Variants in MARCHF6 observed in about 807,000 individuals in gnomAD.
MARCHF6 encodes the protein membrane associated ring-CH-type finger 6.
MARCHF6 carries 31 observed loss-of-function variants against 133.7 expected under a neutral mutation model. The observed-to-expected ratio is 0.23, with a 90% CI of 0.17 to 0.31. The LOEUF is 0.31. Among genes scored for constraint, MARCHF6 ranks in the 10% least tolerant of loss-of-function variants. The probability of loss-of-function intolerance (pLI) is 1.00; values close to 1 mark genes in which losing one functional copy is unlikely to be tolerated. For missense variants in MARCHF6, 723 were observed against 1,121.6 expected (o/e 0.64, Z 5.08); for synonymous variants, 395 against 402.5 (o/e 0.98, Z 0.22).
intron 2 of MARCHF6, among the ~76,000 whole-genome samples, chr5:10,378,385 G>A (rs955761533): frequency 3.3e-5 from 5 of 152,134 alleles, no homozygotes; most frequent in Non-Finnish European, 7.4e-5. Flanking sequence ...CTTGTCCTTG[G>A]CCACATAGCC....
intron 1 of MARCHF6, among the ~76,000 whole-genome samples, chr5:10,375,851 C>A (rs902146527): frequency 1.4e-4 from 21 of 151,854 alleles, no homozygotes; most frequent in African/African-American, 5.1e-4. Context: ...AATCAGCACC[C>A]TGTGTTTAGC....
At chr5:10,409,994 A>C in intron 17 of MARCHF6, 145 bp from the exon 18 acceptor site, 1 of 841,930 alleles carries the variant, frequency 1.2e-6, no homozygotes, top group Non-Finnish European at 1.8e-6. Context: ...TTTGTGGGGA[A>C]AGCCTCACTG....
intron 3 of MARCHF6, among the ~76,000 whole-genome samples, chr5:10,380,096 AT>A (rs1279595082): frequency 6.7e-6 from 1 of 149,916 alleles, no homozygotes; most frequent in Non-Finnish European, 1.5e-5. Context: ...TTGAAGCATA[AT>A]TTTTCATTCT....
At chr5:10,356,342 T>A (rs1043578494) in intron 1 of MARCHF6, among the ~76,000 whole-genome samples, 2 of 126,016 alleles carry the variant, frequency 1.6e-5, no homozygotes, top group Non-Finnish European at 3.6e-5. Flanking sequence ...TTCTGTTTTT[T>A]ATTTATTTTA....
chr5:10,392,029 G>A (rs1193934924), intron 7 of MARCHF6, among the ~76,000 whole-genome samples: 3 of 151,126 alleles, frequency 2.0e-5, no homozygotes, highest in African/African-American at 4.9e-5. Context: ...CGCTATCTCG[G>A]CTCACTGCAA....
chr5:10,371,321 G>A (rs1736450801), intron 1 of MARCHF6, among the ~76,000 whole-genome samples: 1 of 151,676 alleles, frequency 6.6e-6, no homozygotes, highest in Non-Finnish European at 1.5e-5. Context: ...GCTTAGAACT[G>A]TGTGTAGAGA....
Position 10,437,820 on chromosome 5 carries a change from CA to C in MARCHF6, c.*4140del, listed in dbSNP as rs1740710804. On this transcript the variant is annotated 3_prime_UTR_variant, in exon 26 of 26. Transcript: ENST00000274140. ...TTTGTTGCCTTCTAAGTTGAGAGGA[CA>C]AAACTGAATAAAGTGAATGTTAATT... is the stretch of plus-strand genomic sequence containing the variant. 6.6e-6 allele frequency: 1 copy of C among 152,148 alleles called. No individual in the cohort carries two copies. The highest frequency in any genetic ancestry group is 2.4e-5 in the African/African-American group (1 of 41,404). The allele number at this position is 152,148 out of a possible 1,614,324, so 9.4% of individuals were successfully genotyped here.
intron 1 of MARCHF6, among the ~76,000 whole-genome samples, chr5:10,359,874 C>T (rs1049157935): frequency 8.6e-5 from 13 of 151,888 alleles, no homozygotes; most frequent in African/African-American, 2.4e-5. Flanking sequence ...GATGTGGTGG[C>T]GGGTGCCTGT....
intron 1 of MARCHF6, among the ~76,000 whole-genome samples, chr5:10,377,123 C>T (rs1044694352): frequency 6.6e-6 from 1 of 152,090 alleles, no homozygotes; most frequent in Non-Finnish European, 1.5e-5. Context: ...AAATATGCCC[C>T]TAGAGTCTTG....
intron 11 of MARCHF6, chr5:10,401,800 AATTT>A (rs1283549954): frequency 1.6e-5 from 8 of 509,370 alleles, no homozygotes; most frequent in Admixed American, 1.4e-4. Context: ...GTTTTTGTAA[AATTT>A]AATTCACTCT....
Position 10,397,352 on chromosome 5 carries a change from G to C in MARCHF6, c.913+8G>C. 1 of 1,560,812 alleles carries C rather than the reference G, an allele frequency of 6.4e-7. No homozygotes were observed. Among genetic ancestry groups the C allele is most frequent in the Non-Finnish European group, 8.6e-7 (1 of 1,159,002 alleles). On this transcript the variant is annotated splice_region_variant and intron_variant, in intron 10 of 25. Coordinates refer to ENST00000274140, the MANE Select transcript of MARCHF6 (RefSeq NM_005885.4). ...TGTTCATTCTTGTTTTTGGTAAGTTGTGTTTGTGCTTTTTTTTTTTATAGT... is the reference window on the plus strand; with the variant it reads ...TGTTCATTCTTGTTTTTGGTAAGTTCTGTTTGTGCTTTTTTTTTTTATAGT...
intron 23 of MARCHF6, 51 bp from the exon 24 acceptor site, chr5:10,426,339 G>A (rs770845608): frequency 1.2e-5 from 19 of 1,592,458 alleles, no homozygotes; most frequent in Non-Finnish European, 1.5e-5. Flanking sequence ...GTATTAACTT[G>A]GAGGAATTTG....
At chr5:10,375,807 A>C (rs931186618) in intron 1 of MARCHF6, among the ~76,000 whole-genome samples, 5 of 144,620 alleles carry the variant, frequency 3.5e-5, no homozygotes, top group Non-Finnish European at 7.5e-5. Context: ...ACCAATCGGC[A>C]CTCTGTATCT....
At chr5:10,395,262 T>C (rs1208637640) in intron 9 of MARCHF6, among the ~76,000 whole-genome samples, 1 of 152,184 alleles carries the variant, frequency 6.6e-6, no homozygotes, top group East Asian at 1.9e-4. Context: ...AGCATAAAGG[T>C]AATATTTTTA....
intron 3 of MARCHF6, 99 bp downstream of exon 3, chr5:10,378,931 T>A: frequency 1.4e-6 from 1 of 694,098 alleles, no homozygotes; most frequent in Non-Finnish European, 2.4e-6. Context: ...GGGATAAAAG[T>A]GCTTAAGCAC....
chr5:10,397,542 TTACC>T (rs1738267516), intron 10 of MARCHF6, among the ~76,000 whole-genome samples, 198 bp downstream of exon 10: 1 of 152,112 alleles, frequency 6.6e-6, no homozygotes, highest in Non-Finnish European at 1.5e-5. Flanking sequence ...GTGACTGCAG[TTACC>T]TACCTATCTC....
chr5:10,402,843 G>A (rs2567568), intron 14 of MARCHF6, among the ~76,000 whole-genome samples: 33,563 of 151,974 alleles, frequency 0.22, 5,448 homozygotes, highest in East Asian at 0.68. Context: ...AATAGTGGAG[G>A]ATTTTATTGC....
rs1463378175 is a variant in MARCHF6 at position 10,437,137 on chromosome 5, C to G, written c.*3453C>G. 1.3e-5 allele frequency: 2 copies of G among 152,236 alleles called. No individual in the cohort carries two copies. Among genetic ancestry groups the G allele is most frequent in the Non-Finnish European group, 2.9e-5 (2 of 68,042 alleles). The allele number at this position is 152,236 out of a possible 1,614,324, so 9.4% of individuals were successfully genotyped here. The stretch of plus-strand genomic sequence containing the variant: ...ATGTGCGTGAACACACGCACACGTG[C>G]AGGAGAATGTAGTGCCATAAGAACA... On this transcript the variant is annotated 3_prime_UTR_variant, in exon 26 of 26. Transcript: ENST00000274140.
intron 1 of MARCHF6, among the ~76,000 whole-genome samples, chr5:10,360,382 A>G (rs7719136): frequency 0.83 from 126,273 of 151,784 alleles, 53,729 homozygotes; most frequent in Non-Finnish European, 0.9. Flanking sequence ...CAGGTGATCC[A>G]TCTGCCTCAG....
Sources: allele counts gnomAD v4.1 joint callset (sites outside exome capture counted in the v4.1 genomes callset), GRCh38; gene constraint gnomAD v4.1.1; transcripts MANE v1.5; gene names NCBI Gene and HGNC (gene_info 2026-07-23, HGNC 2026-07-21).